The following TTC3 variants were observed in gnomAD, a reference collection of about 807,000 sequenced individuals.
TTC3 encodes the protein tetratricopeptide repeat domain 3.
A neutral mutation model predicts 249.6 loss-of-function variants in TTC3; 180 were observed. The observed-to-expected ratio is 0.72, with a 90% CI of 0.64 to 0.82. The LOEUF is 0.82. Among genes scored for constraint, TTC3 ranks in the 40% least tolerant of loss-of-function variants. The pLI is 0.00. For missense variants in TTC3, 2,061 were observed against 2,398.4 expected (o/e 0.86, Z 2.94); for synonymous variants, 717 against 805.0 (o/e 0.89, Z 1.85).
intron 6 of TTC3, 100 bp from the exon 7 acceptor site, chr21:37,091,193 G>A (rs781264265): frequency 7.6e-7 from 1 of 1,307,210 alleles, no homozygotes; most frequent in Non-Finnish European, 1.1e-6. Context: ...CAGTTTTGTA[G>A]TAAGGATCTG....
rs2076708570 is a variant in TTC3, at chr21:37,122,562, A to G, written c.1064-421A>G. ...TCTTTTTGCTTTCTCCAATGCCTGA[A>G]AGTCCCTTAGTCTACATTTTTAGTG... On this transcript the variant is annotated intron_variant, in intron 12 of 45. Transcript: ENST00000355666. 4.6e-5 allele frequency among the ~76,000 whole-genome samples: 7 copies of G among 151,286 alleles called. 1 individual carries two copies. The Admixed American group carries it at 4.6e-4, about 10-fold the overall frequency.
intron 35 of TTC3, 63 bp downstream of exon 35, chr21:37,172,807 C>T (rs2081923209): frequency 4.4e-6 from 7 of 1,579,076 alleles, no homozygotes; most frequent in Non-Finnish European, 6.0e-6. Flanking sequence ...GTGAGTGTAG[C>T]TGTGCTTGTG....
intron 11 of TTC3, among the ~76,000 whole-genome samples, chr21:37,118,910 C>T (rs1376633939): frequency 6.6e-6 from 1 of 152,148 alleles, no homozygotes; most frequent in Non-Finnish European, 1.5e-5. Context: ...GTCTTTCTTG[C>T]ATATTTCATG....
At chr21:37,173,255 C>T (rs2048541442) in intron 35 of TTC3, among the ~76,000 whole-genome samples, 1 of 152,164 alleles carries the variant, frequency 6.6e-6, no homozygotes, top group Non-Finnish European at 1.5e-5. Flanking sequence ...TTATAAAGTA[C>T]TTAAAACTGC....
At chr21:37,092,321 C>G (rs2084122218) in intron 7 of TTC3, among the ~76,000 whole-genome samples, 1 of 152,188 alleles carries the variant, frequency 6.6e-6, no homozygotes, top group Non-Finnish European at 1.5e-5. Context: ...GAAGACACAT[C>G]TTTCTCATAG....
intron 34 of TTC3, among the ~76,000 whole-genome samples, chr21:37,169,049 C>T (rs1428702494): frequency 2.7e-5 from 4 of 146,050 alleles, no homozygotes; most frequent in South Asian, 2.3e-4. Flanking sequence ...CAGGCAGAAG[C>T]GGCAGTGCTT....
intron 35 of TTC3, among the ~76,000 whole-genome samples, chr21:37,173,771 G>A (rs1475250921): frequency 1.3e-5 from 2 of 152,158 alleles, no homozygotes; most frequent in Non-Finnish European, 2.9e-5. Context: ...CCCAGGACCT[G>A]TTTATACTCA....
chr21:37,150,877 T>A, exon 25 of TTC3: 1 of 1,605,356 alleles, frequency 6.2e-7, no homozygotes, highest in Non-Finnish European at 8.5e-7. Context: ...GAAACAGAAA[T>A]GTTCTAGGTA....
At chr21:37,089,802 G>C (rs2073004078) in intron 5 of TTC3, among the ~76,000 whole-genome samples, 1 of 152,034 alleles carries the variant, frequency 6.6e-6, no homozygotes, top group African/African-American at 2.4e-5. Context: ...GTGTGAGCCT[G>C]TAGAAACCTC....
exon 42 of TTC3, chr21:37,195,957 G>A: frequency 6.2e-7 from 1 of 1,614,206 alleles, no homozygotes; most frequent in Non-Finnish European, 8.5e-7. Context: ...AGGACGTGCT[G>A]CGCGTTCAAG....
intron 5 of TTC3, among the ~76,000 whole-genome samples, chr21:37,089,495 A>T (rs2835587): frequency 0.46 from 69,192 of 151,852 alleles, 16,288 homozygotes; most frequent in Non-Finnish European, 0.52. Context: ...TATAAAAAAA[A>T]TTAAGTGCAA....
At chr21:37,099,440 C>T (rs2074262043) in intron 10 of TTC3, among the ~76,000 whole-genome samples, 1 of 152,056 alleles carries the variant, frequency 6.6e-6, no homozygotes, top group Non-Finnish European at 1.5e-5. Flanking sequence ...ACCCAGGCAG[C>T]CTGGATGTAG....
chr21:37,159,559 A>G, intron 28 of TTC3, 140 bp from the exon 29 acceptor site: 8 of 940,028 alleles, frequency 8.5e-6, no homozygotes, highest in Non-Finnish European at 1.2e-5. Context: ...TGGTTTCTAA[A>G]CTACACTTGT....
exon 46 of TTC3, chr21:37,202,004 T>C (rs2148261786): frequency 6.4e-6 from 1 of 155,212 alleles, no homozygotes; most frequent in South Asian, 2.0e-4. Context: ...ACTTTTTAAA[T>C]TTTTTACAAG....
intron 11 of TTC3, among the ~76,000 whole-genome samples, chr21:37,109,926 C>G (rs755414626): frequency 8.5e-5 from 13 of 152,226 alleles, no homozygotes; most frequent in Non-Finnish European, 1.5e-4. Flanking sequence ...TCTGCAGCCA[C>G]TGCTGCTGAT....
chr21:37,093,708 A>G (rs981819962), intron 7 of TTC3, among the ~76,000 whole-genome samples: 1 of 152,158 alleles, frequency 6.6e-6, no homozygotes, highest in African/African-American at 2.4e-5. Flanking sequence ...TTTATTGTAA[A>G]TACAATTACA....
At chr21:37,159,792 A>G in intron 29 of TTC3, 47 bp downstream of exon 29, 1 of 1,588,260 alleles carries the variant, frequency 6.3e-7, no homozygotes, top group Non-Finnish European at 8.6e-7. Flanking sequence ...TCTGATGTTA[A>G]ACCAAGGATG....
intron 35 of TTC3, among the ~76,000 whole-genome samples, 159 bp from the exon 36 acceptor site, chr21:37,182,615 G>A (rs1235313269): frequency 6.6e-6 from 1 of 152,164 alleles, no homozygotes; most frequent in Non-Finnish European, 1.5e-5. Flanking sequence ...AGGCTTGGCT[G>A]GGGGGCATAG....
At chr21:37,107,389 A>G (rs371601833) in intron 10 of TTC3, among the ~76,000 whole-genome samples, 4 of 152,258 alleles carry the variant, frequency 2.6e-5, no homozygotes, top group East Asian at 1.9e-4. Flanking sequence ...TGAACACCCT[A>G]AGTTCCAGGG....
Sources: gnomAD v4.1 joint callset for allele counts (sites outside exome capture counted in the v4.1 genomes callset) on GRCh38, gnomAD v4.1.1 for gene constraint, MANE v1.5 for transcripts, NCBI Gene and HGNC (gene_info 2026-07-23, HGNC 2026-07-21) for gene names.